Variants in ANKRD28 observed in about 807,000 individuals in gnomAD.
ANKRD28 encodes ankyrin repeat domain 28.
A neutral mutation model predicts 126.5 loss-of-function variants in ANKRD28; 44 were observed. That is an observed-to-expected ratio of 0.35 (90% CI 0.27 to 0.45). ANKRD28 has a LOEUF of 0.45. Among genes scored for constraint, ANKRD28 ranks in the 20% least tolerant of loss-of-function variants. The pLI is 1.00. For synonymous variants in ANKRD28, 442 were observed against 468.5 expected, an observed-to-expected ratio of 0.94 and a Z score of 0.73; for missense variants, 1,110 against 1,316.6, an observed-to-expected ratio of 0.84 and a Z score of 2.43.
chr3:15,771,409 CAA>C (rs35184017), intron 2 of ANKRD28, among the ~76,000 whole-genome samples: 26 of 115,070 alleles, frequency 2.3e-4, no homozygotes, highest in Admixed American at 4.4e-4. Context: ...AACTCTGTCT[CAA>C]AAAAAAAAAA....
intron 1 of ANKRD28, among the ~76,000 whole-genome samples, chr3:15,856,948 T>A (rs2061783877): frequency 6.6e-6 from 1 of 152,256 alleles, no homozygotes; most frequent in Non-Finnish European, 1.5e-5. Context: ...GCTTTTGAGC[T>A]AAAAGCTATG....
intron 23 of ANKRD28, 100 bp from the exon 24 acceptor site, chr3:15,678,454 A>G (rs2067188795): frequency 1.8e-6 from 2 of 1,128,546 alleles, no homozygotes. Context: ...AAGGGTTTAC[A>G]TATTAGGCTA....
intron 15 of ANKRD28, 98 bp from the exon 16 acceptor site, chr3:15,695,312 C>A: frequency 2.3e-6 from 2 of 885,238 alleles, no homozygotes; most frequent in Admixed American, 2.5e-5. Flanking sequence ...TACCCTAAAC[C>A]CGTGCTTCCT....
intron 2 of ANKRD28, among the ~76,000 whole-genome samples, chr3:15,770,797 A>G (rs1575612199): frequency 6.6e-6 from 1 of 152,208 alleles, no homozygotes; most frequent in East Asian, 1.9e-4. Flanking sequence ...AAATTTGCTC[A>G]TAAATTTAAT....
chr3:15,857,520 AG>A (rs1227123014), intron 1 of ANKRD28, among the ~76,000 whole-genome samples: 4 of 152,162 alleles, frequency 2.6e-5, no homozygotes, highest in Admixed American at 2.6e-4. Context: ...CCTAACCTCA[AG>A]TGATCCGCCT....
rs73819150 is a variant in ANKRD28, at chr3:15,739,968, G to C, written c.352-2735C>G. On this transcript the variant is annotated intron_variant, in intron 4 of 27. Transcript: ENST00000683139. ...AAAAATCCATCCAAGAATGCTCATA[G>C]CAGTTTTATTCCTAACCACCAAAAA... 2.7e-3 allele frequency among the ~76,000 whole-genome samples: 409 copies of C among 152,308 alleles called. 3 individuals are homozygous for C. Among genetic ancestry groups the C allele is most frequent in the African/African-American group, 9.4e-3 (392 of 41,560 alleles).
chr3:15,825,658 T>C (rs1346532554), intron 1 of ANKRD28, among the ~76,000 whole-genome samples: 1 of 152,106 alleles, frequency 6.6e-6, no homozygotes, highest in Non-Finnish European at 1.5e-5. Context: ...AATTTAAAAG[T>C]TCTGAATGAG....
At chr3:15,759,917 A>G (rs896280386) in intron 3 of ANKRD28, among the ~76,000 whole-genome samples, 1 of 152,178 alleles carries the variant, frequency 6.6e-6, no homozygotes, top group Non-Finnish European at 1.5e-5. Context: ...TTCACAGGAA[A>G]AGCACCTACA....
At chr3:15,716,547 G>A (rs898799328) in intron 8 of ANKRD28, among the ~76,000 whole-genome samples, 1 of 151,990 alleles carries the variant, frequency 6.6e-6, no homozygotes, top group African/African-American at 2.4e-5. Flanking sequence ...GCTTCCCAAA[G>A]TGCTGGGTTT....
At position 15,846,573 on chromosome 3, in the gene ANKRD28, C is replaced by T. The variant is rs963166316; in HGVS notation, c.27+12804G>A. 2.0e-5 allele frequency among the ~76,000 whole-genome samples: 3 copies of T among 152,182 alleles called. No homozygotes were observed. The highest frequency in any genetic ancestry group is 2.0e-4 in the Admixed American group (3 of 15,286). On this transcript the variant is annotated intron_variant, in intron 1 of 27. Coordinates refer to the ANKRD28 transcript ENST00000399451. The surrounding 1 kb of genome is among the most constrained non-coding windows in gnomAD (Gnocchi z 5.4). ...ACAGTATAAACCAAGGGCAACAGTTCCTAAATTCTGACCATTTTATAACAA... is the reference window on the plus strand; with the variant it reads ...ACAGTATAAACCAAGGGCAACAGTTTCTAAATTCTGACCATTTTATAACAA...
In ANKRD28 at chr3:15,714,593, T is replaced by G; in HGVS notation, c.1060A>C (p.Thr354Pro). ...TACTTTTTACCACTCTGGATAATGGTTTGTGATCGGGAGAATCTACCGTGG... is the reference window on the plus strand; with the variant it reads ...TACTTTTTACCACTCTGGATAATGGGTTGTGATCGGGAGAATCTACCGTGG... ...ALHGRFSRSQ[T>P]IIQSGAVIDC... Residue 354 changes from threonine to proline, a missense_variant, in exon 9 of 28, where the codon ACC becomes CCC. Transcript: ENST00000683139. 6.3e-7 allele frequency: 1 copy of G among 1,592,390 alleles called. No homozygotes were observed.
chr3:15,810,552 A>G (rs2060690311), intron 1 of ANKRD28, among the ~76,000 whole-genome samples: 1 of 151,280 alleles, frequency 6.6e-6, no homozygotes, highest in African/African-American at 2.5e-5. Flanking sequence ...CATGGGATAT[A>G]CTAAAAAATA....
At chr3:15,724,170 A>T (rs2073992753) in intron 7 of ANKRD28, among the ~76,000 whole-genome samples, 1 of 152,212 alleles carries the variant, frequency 6.6e-6, no homozygotes, top group Non-Finnish European at 1.5e-5. Flanking sequence ...AACACCTTTG[A>T]AGTGTATTTT....
chr3:15,737,299 AGTGTGC>A, intron 4 of ANKRD28, 66 bp from the exon 5 acceptor site: 2 of 1,362,270 alleles, frequency 1.5e-6, no homozygotes, highest in Non-Finnish European at 2.0e-6. Context: ...TTCTATATAT[AGTGTGC>A]GTGTGTGTGT....
At chr3:15,726,074 T>C (rs2074141220) in intron 6 of ANKRD28, among the ~76,000 whole-genome samples, 1 of 152,158 alleles carries the variant, frequency 6.6e-6, no homozygotes, top group Admixed American at 6.5e-5. Context: ...AAATGTTGTA[T>C]ATTCCAACTA....
At chr3:15,785,560 C>G (rs1435008028) in intron 2 of ANKRD28, among the ~76,000 whole-genome samples, 3 of 152,104 alleles carry the variant, frequency 2.0e-5, no homozygotes, top group Non-Finnish European at 4.4e-5. Context: ...ACACTGATAA[C>G]ACCAAATGCT....
intron 14 of ANKRD28, among the ~76,000 whole-genome samples, chr3:15,705,129 G>C (rs1161860341): frequency 1.3e-5 from 2 of 152,120 alleles, no homozygotes; most frequent in Admixed American, 6.5e-5. Context: ...CAGTGTATCA[G>C]GCTGTTTAGT....
chr3:15,806,353 T>C (rs1336473001), intron 1 of ANKRD28, among the ~76,000 whole-genome samples: 1 of 152,216 alleles, frequency 6.6e-6, no homozygotes, highest in Non-Finnish European at 1.5e-5. Context: ...TCAGTTACTG[T>C]ATTGTAGAAA....
intron 27 of ANKRD28, among the ~76,000 whole-genome samples, chr3:15,674,673 T>C (rs1177421037): frequency 3.3e-5 from 5 of 151,818 alleles, no homozygotes; most frequent in African/African-American, 7.3e-5. Flanking sequence ...TCAATGTAGA[T>C]AGAGAAAGCA....
Sources: allele counts gnomAD v4.1 joint callset (sites outside exome capture counted in the v4.1 genomes callset), GRCh38; gene constraint gnomAD v4.1.1; non-coding constraint Gnocchi (gnomAD v3.1); transcripts MANE v1.5; gene names NCBI Gene and HGNC (gene_info 2026-07-23, HGNC 2026-07-21).